Variants in UGGT2 observed in about 807,000 individuals in gnomAD.
UGGT2 encodes the protein UDP-glucose glycoprotein glucosyltransferase 2, also known as UDP-glucose:glycoprotein glucosyltransferase 2.
A neutral mutation model predicts 192.1 loss-of-function variants in UGGT2; 180 were observed. That is an observed-to-expected ratio of 0.94 (90% CI 0.83 to 1.06). The LOEUF (loss-of-function observed/expected upper bound fraction) is 1.06, where lower values mean the gene tolerates loss of function less well. UGGT2 is among the 50% of genes least tolerant of loss of function. The probability of loss-of-function intolerance (pLI) is 0.00; values close to 1 mark genes in which losing one functional copy is unlikely to be tolerated. For missense variants in UGGT2, 1,849 were observed against 1,795.7 expected (o/e 1.03, Z -0.54); for synonymous variants, 580 against 591.0 (o/e 0.98, Z 0.27).
intron 38 of UGGT2, among the ~76,000 whole-genome samples, chr13:95,819,010 A>G (rs988950011): frequency 5.3e-5 from 8 of 152,182 alleles, no homozygotes; most frequent in Admixed American, 6.6e-5. Flanking sequence ...AAGTCTAGGA[A>G]ACTCTTTCAT....
chr13:96,011,825 T>C (rs929096800), intron 5 of UGGT2, among the ~76,000 whole-genome samples: 1 of 152,066 alleles, frequency 6.6e-6, no homozygotes, highest in African/African-American at 2.4e-5. Context: ...TCTGACTAGA[T>C]TGTGAAATAA....
intron 38 of UGGT2, among the ~76,000 whole-genome samples, chr13:95,814,910 C>T (rs1884750387): frequency 6.6e-6 from 1 of 152,104 alleles, no homozygotes; most frequent in African/African-American, 2.4e-5. Context: ...CTCAGAAATA[C>T]AAGGTTGATT....
intron 4 of UGGT2, among the ~76,000 whole-genome samples, chr13:96,014,212 T>C (rs2052255517): frequency 6.6e-6 from 1 of 152,178 alleles, no homozygotes. Flanking sequence ...AACCAAGAGA[T>C]AAGGAAGTTC....
In UGGT2 at chr13:95,877,859, G is replaced by C. The variant is rs1401850154; in HGVS notation, c.3229-3C>G. 1 of 1,608,946 alleles carries C rather than the reference G, an allele frequency of 6.2e-7. No homozygotes were observed. Among genetic ancestry groups the C allele is most frequent in the East Asian group, 2.2e-5 (1 of 44,734 alleles). On this transcript the variant is annotated splice_region_variant and splice_polypyrimidine_tract_variant and intron_variant, in intron 27 of 38. Transcript: ENST00000376747. ...TCTGCTGTAACAGTTTTCTCAGTCTGTGGAGGAAGTATGTCATTGTTTTTG... is the reference window on the plus strand; with the variant it reads ...TCTGCTGTAACAGTTTTCTCAGTCTCTGGAGGAAGTATGTCATTGTTTTTG...
chr13:95,893,046 T>C (rs969750402), intron 24 of UGGT2, among the ~76,000 whole-genome samples: 5 of 152,312 alleles, frequency 3.3e-5, no homozygotes, highest in Admixed American at 2.6e-4. Flanking sequence ...TAGGCTAATA[T>C]AGAGATCTTT....
intron 4 of UGGT2, among the ~76,000 whole-genome samples, chr13:96,014,143 C>A (rs1242144777): frequency 6.6e-6 from 1 of 152,126 alleles, no homozygotes; most frequent in East Asian, 1.9e-4. Context: ...AGAATTTCAA[C>A]TCATGTTTAT....
chr13:95,837,255 A>G (rs1387939626), intron 36 of UGGT2, 53 bp from the exon 37 acceptor site: 1 of 1,250,686 alleles, frequency 8.0e-7, no homozygotes, highest in Non-Finnish European at 1.2e-6. Context: ...AGTCAGAAGG[A>G]AAGAAGCTGA....
rs960649876 is a variant in UGGT2 at position 95,904,421 on chromosome 13, T to A, written c.2296-1361A>T. Among the ~76,000 whole-genome samples the A allele has an allele frequency of 2.7e-5, 4 of 149,080 alleles. No homozygotes were observed. In the Admixed American group the frequency reaches 2.7e-4, roughly 10 times the overall value. ...AACTCGTCATCTAGCATTAGGTATA[T>A]CTCCTAATGCTATCCCTCCCCCCTC... On this transcript the variant is annotated intron_variant, in intron 20 of 38. Coordinates refer to ENST00000376747, the MANE Select transcript of UGGT2 (RefSeq NM_020121.4).
At chr13:95,954,143 A>T (rs1008732178) in intron 12 of UGGT2, among the ~76,000 whole-genome samples, 2 of 152,174 alleles carry the variant, frequency 1.3e-5, no homozygotes, top group Non-Finnish European at 2.9e-5. Context: ...CACACAATTT[A>T]AAAAAATATT....
intron 7 of UGGT2, among the ~76,000 whole-genome samples, chr13:95,995,161 A>C (rs2051579038): frequency 6.6e-6 from 1 of 152,084 alleles, no homozygotes; most frequent in Non-Finnish European, 1.5e-5. Flanking sequence ...TTTTATAAAG[A>C]GCTGTTATAA....
intron 1 of UGGT2, among the ~76,000 whole-genome samples, chr13:96,038,866 A>T (rs1355497383): frequency 6.6e-6 from 1 of 152,156 alleles, no homozygotes. Context: ...AATATCGTCA[A>T]CTTCATTTAC....
At chr13:95,808,984 T>C (rs1361741635) in intron 38 of UGGT2, among the ~76,000 whole-genome samples, 7 of 152,206 alleles carry the variant, frequency 4.6e-5, no homozygotes, top group Non-Finnish European at 1.0e-4. Context: ...TGCTGTTTAG[T>C]ATGCTTTGTA....
chr13:95,883,003 T>G (rs2140189196), intron 27 of UGGT2, among the ~76,000 whole-genome samples: 1 of 152,234 alleles, frequency 6.6e-6, no homozygotes, highest in Middle Eastern at 3.4e-3. Flanking sequence ...ATTTGTTAAG[T>G]TTTTCTCATT....
intron 10 of UGGT2, 96 bp downstream of exon 10, chr13:95,983,708 A>T: frequency 1.0e-6 from 1 of 961,024 alleles, no homozygotes; most frequent in Non-Finnish European, 1.5e-6. Flanking sequence ...AAAAGCACAA[A>T]TTACTATTTC....
At chr13:96,002,233 T>C (rs773601043) in intron 5 of UGGT2, among the ~76,000 whole-genome samples, 1 of 152,234 alleles carries the variant, frequency 6.6e-6, no homozygotes, top group Non-Finnish European at 1.5e-5. Context: ...GTGCTACTGT[T>C]ATTGATGGTA....
intron 36 of UGGT2, among the ~76,000 whole-genome samples, chr13:95,850,163 G>T (rs1050152578): frequency 6.6e-6 from 1 of 151,950 alleles, no homozygotes; most frequent in African/African-American, 2.4e-5. Flanking sequence ...TTATTTCTAA[G>T]AACTATTTTA....
chr13:95,840,447 C>A (rs912929396), intron 36 of UGGT2, among the ~76,000 whole-genome samples: 2 of 152,182 alleles, frequency 1.3e-5, no homozygotes, highest in Admixed American at 6.5e-5. Flanking sequence ...AAATAAAGTT[C>A]ATCATCACTG....
At chr13:95,935,866 A>T (rs1477185196) in intron 17 of UGGT2, among the ~76,000 whole-genome samples, 1 of 152,188 alleles carries the variant, frequency 6.6e-6, no homozygotes, top group Non-Finnish European at 1.5e-5. Context: ...TCGCTCTGTC[A>T]TCCAGGCTAG....
At chr13:95,924,813 G>A (rs1215869545) in intron 20 of UGGT2, among the ~76,000 whole-genome samples, 1 of 152,180 alleles carries the variant, frequency 6.6e-6, no homozygotes, top group Admixed American at 6.5e-5. Context: ...GTGAAACACT[G>A]AGGACTCCTG....
Sources: allele counts gnomAD v4.1 joint callset (sites outside exome capture counted in the v4.1 genomes callset), GRCh38; gene constraint gnomAD v4.1.1; transcripts MANE v1.5; gene names NCBI Gene and HGNC (gene_info 2026-07-23, HGNC 2026-07-21).